The following TSPAN14 variants were observed in gnomAD, a reference collection of about 807,000 sequenced individuals.
TSPAN14 encodes tetraspanin 14.
A neutral mutation model predicts 36.6 loss-of-function variants in TSPAN14; 16 were observed. The observed-to-expected ratio is 0.44, with a 90% CI of 0.30 to 0.66. TSPAN14 has a LOEUF of 0.66. TSPAN14 is among the 30% of genes least tolerant of loss of function. TSPAN14 has a pLI of 0.12. For missense variants in TSPAN14, 231 were observed against 355.1 expected (o/e 0.65, Z 2.81); for synonymous variants, 139 against 143.8 (o/e 0.97, Z 0.24).
intron 2 of TSPAN14, 88 bp downstream of exon 2, chr10:80,489,402 C>T (rs1009158683): frequency 1.1e-6 from 1 of 942,882 alleles, no homozygotes; most frequent in Admixed American, 2.0e-5. Context: ...TTGCCAGACA[C>T]TATGTAAGGC....
chr10:80,490,816 A>G (rs55943223), intron 2 of TSPAN14, among the ~76,000 whole-genome samples: 40,258 of 152,098 alleles, frequency 0.26, 5,656 homozygotes, highest in South Asian at 0.34. Context: ...TGCCAGTGGG[A>G]TTGGTCCAGG....
chr10:80,471,540 A>G (rs541727850), intron 1 of TSPAN14, among the ~76,000 whole-genome samples: 2 of 152,366 alleles, frequency 1.3e-5, no homozygotes, highest in African/African-American at 4.8e-5. Flanking sequence ...GATTCTGTGT[A>G]TAGACATTTC....
chr10:80,508,687 C>T lies in TSPAN14; in HGVS notation c.280-614C>T, dbSNP rs114183244. On this transcript the variant is annotated intron_variant, in intron 4 of 8. Coordinates refer to ENST00000429989, the Ensembl canonical transcript of TSPAN14. ...AGAGTTGGTACAGATAACATTGGCA[C>T]TTCCAGAATTGTAAAGAGCCCTGCA... Among the ~76,000 whole-genome samples, 546 of 152,294 alleles carry T rather than the reference C, an allele frequency of 3.6e-3. 2 individuals carry two copies. The highest frequency in any genetic ancestry group is 0.012 in the African/African-American group (512 of 41,550).
intron 2 of TSPAN14, among the ~76,000 whole-genome samples, chr10:80,503,791 G>C (rs1564738899): frequency 6.6e-6 from 1 of 152,116 alleles, no homozygotes; most frequent in Admixed American, 6.5e-5. Flanking sequence ...TGAGATCACC[G>C]GTAGTCATAG....
At chr10:80,501,084 A>G (rs1251437043) in intron 2 of TSPAN14, among the ~76,000 whole-genome samples, 1 of 150,966 alleles carries the variant, frequency 6.6e-6, no homozygotes, top group Non-Finnish European at 1.5e-5. Context: ...GAAACCTATT[A>G]ATATAGATGG....
chr10:80,493,251 A>C (rs149620101), intron 2 of TSPAN14, among the ~76,000 whole-genome samples: 1 of 152,320 alleles, frequency 6.6e-6, no homozygotes, highest in East Asian at 1.9e-4. Flanking sequence ...AAAAATGGAA[A>C]ATAACCGATG....
intron 2 of TSPAN14, among the ~76,000 whole-genome samples, chr10:80,499,377 C>T (rs1848371934): frequency 6.6e-6 from 1 of 152,240 alleles, no homozygotes; most frequent in Non-Finnish European, 1.5e-5. Flanking sequence ...ATTTAATCTT[C>T]ACAGTGACCC....
At chr10:80,465,138 C>T (rs972025643) in intron 1 of TSPAN14, among the ~76,000 whole-genome samples, 1 of 152,114 alleles carries the variant, frequency 6.6e-6, no homozygotes, top group Non-Finnish European at 1.5e-5. Flanking sequence ...CGGTGCCAGG[C>T]TTGTCGGCCA....
chr10:80,476,409 GTTTTTTTTTTTTTT>G (rs60589813), intron 1 of TSPAN14, among the ~76,000 whole-genome samples: 3 of 85,046 alleles, frequency 3.5e-5, no homozygotes, highest in African/African-American at 8.5e-5. Flanking sequence ...TTGTTTTACT[GTTTTTTTTTTTTTT>G]TTTTTTTTTT....
intron 1 of TSPAN14, among the ~76,000 whole-genome samples, chr10:80,479,138 T>G (rs1055181847): frequency 6.6e-6 from 1 of 152,044 alleles, no homozygotes; most frequent in South Asian, 2.1e-4. Context: ...TTGATGGGGT[T>G]GTTTGTTTTT....
In TSPAN14 at chr10:80,509,775, A is replaced by G. The variant is rs1365608862; in HGVS notation, c.450+304A>G. ...GCCCCAGATCTTTCCAATCCTGCCC[A>G]ATAGCCATACCAGCTGCAATCCTCC... On this transcript the variant is annotated intron_variant, in intron 5 of 8. Transcript: ENST00000429989. The surrounding 1 kb of genome is among the most constrained non-coding windows in gnomAD (Gnocchi z 4.7). 1.1e-5 allele frequency: 4 copies of G among 355,892 alleles called. No homozygotes were observed. 22.0% of individuals were successfully genotyped at this position (355,892 alleles called of 1,614,324 possible). A position where few individuals can be genotyped will look rare whatever the true frequency, so the allele number is the denominator to read the frequency against.
At chr10:80,508,235 C>T (rs557489953) in intron 4 of TSPAN14, among the ~76,000 whole-genome samples, 11 of 151,972 alleles carry the variant, frequency 7.2e-5, no homozygotes, top group Non-Finnish European at 1.5e-5. Flanking sequence ...CCTGCCTCAG[C>T]CTCCCGAGTA....
At chr10:80,506,278 T>C (rs951852285) in intron 3 of TSPAN14, among the ~76,000 whole-genome samples, 3 of 152,196 alleles carry the variant, frequency 2.0e-5, no homozygotes, top group Non-Finnish European at 4.4e-5. Context: ...CAGACACCTA[T>C]GTATGTCTTG....
rs1009706572 is a variant in TSPAN14, at chr10:80,512,364, A to T, written c.576+95A>T. On this transcript the variant is annotated intron_variant, in intron 6 of 8. Coordinates refer to ENST00000429989, the Ensembl canonical transcript of TSPAN14. The stretch of plus-strand genomic sequence containing the variant: ...CAGTGCTCTAGGATACTTCTCTGTC[A>T]TGGAGGTCTGAGGAGCAGGTGTGCT... 4 of 1,518,580 alleles carry T rather than the reference A, an allele frequency of 2.6e-6. No homozygotes were observed. In the African/African-American group the frequency reaches 5.5e-5, roughly 21 times the overall value. The allele number at this position is 1,518,580 out of a possible 1,614,324, so 94.1% of individuals were successfully genotyped here.
intron 4 of TSPAN14, among the ~76,000 whole-genome samples, chr10:80,508,408 G>A (rs1321285953): frequency 5.3e-5 from 8 of 152,148 alleles, no homozygotes; most frequent in African/African-American, 1.9e-4. Context: ...GTGAACCACC[G>A]CGCCCGGCCG....
At chr10:80,470,058 G>T (rs1210546764) in intron 1 of TSPAN14, among the ~76,000 whole-genome samples, 1 of 152,088 alleles carries the variant, frequency 6.6e-6, no homozygotes, top group African/African-American at 2.4e-5. Context: ...TAAATGCTAT[G>T]TAAGTATTAT....
At chr10:80,473,995 C>T (rs557918046) in intron 1 of TSPAN14, among the ~76,000 whole-genome samples, 1 of 152,150 alleles carries the variant, frequency 6.6e-6, no homozygotes, top group Non-Finnish European at 1.5e-5. Flanking sequence ...CGCCTGCCCC[C>T]TCCTAGGCTT....
intron 1 of TSPAN14, among the ~76,000 whole-genome samples, chr10:80,461,032 A>G (rs905374016): frequency 3.3e-5 from 5 of 152,116 alleles, no homozygotes; most frequent in African/African-American, 1.2e-4. Context: ...CATTTTGCCT[A>G]TGGGAGCTTC....
chr10:80,521,297 CCT>C, exon 9 of TSPAN14: 1 of 162,186 alleles, frequency 6.2e-6, no homozygotes, highest in Non-Finnish European at 1.4e-5. Context: ...GGTCCCAGCA[CCT>C]GAGGCATCCT....
Sources: allele counts gnomAD v4.1 joint callset (sites outside exome capture counted in the v4.1 genomes callset), GRCh38; gene constraint gnomAD v4.1.1; non-coding constraint Gnocchi (gnomAD v3.1); transcripts MANE v1.5; gene names NCBI Gene and HGNC (gene_info 2026-07-23, HGNC 2026-07-21).